The following PHF12 variants were observed in gnomAD, a reference collection of about 807,000 sequenced individuals.
The protein encoded by PHF12 is PHD finger protein 12.
In PHF12, 6 loss-of-function variants were observed where a neutral mutation model predicts 99.8. The observed-to-expected ratio is 0.06, with a 90% CI of 0.03 to 0.12. The LOEUF is 0.12. Ranked by LOEUF, PHF12 falls within the 10% of genes least tolerant of loss-of-function variation. The probability of loss-of-function intolerance (pLI) is 1.00; values close to 1 mark genes in which losing one functional copy is unlikely to be tolerated. For missense variants in PHF12, 954 were observed against 1,300.1 expected, an observed-to-expected ratio of 0.73 and a Z score of 4.09; for synonymous variants, 480 against 514.9, an observed-to-expected ratio of 0.93 and a Z score of 0.92.
chr17:28,931,215 C>T (rs2040395828), intron 2 of PHF12, among the ~76,000 whole-genome samples: 1 of 151,688 alleles, frequency 6.6e-6, no homozygotes, highest in Non-Finnish European at 1.5e-5. Flanking sequence ...CATTGTCTCC[C>T]AGATGAAGAC....
chr17:28,945,857 C>T (rs34120713), intron 2 of PHF12, among the ~76,000 whole-genome samples: 20,884 of 152,152 alleles, frequency 0.14, 1,542 homozygotes, highest in South Asian at 0.25. Flanking sequence ...CCTCCATGGC[C>T]GGGTGTGGTG....
intron 2 of PHF12, among the ~76,000 whole-genome samples, chr17:28,931,581 CTTTT>C (rs925846147): frequency 6.8e-6 from 1 of 148,126 alleles, no homozygotes; most frequent in Non-Finnish European, 1.5e-5. Flanking sequence ...TTAAGATCTG[CTTTT>C]TTTTTGTTTG....
rs578218722 is a variant in PHF12 at position 28,924,075 on chromosome 17, G to A, written c.549C>T (p.Val183=). ...CATCCACGTCAATGATGTCTTCGTC[G>A]ACATCATTCTGCTCAGAGGTGGGAG... ...TETPTSEQND[V]DEDIIDVDEE... Residue 183 remains valine, a synonymous_variant, in exon 4 of 15, where the codon GTC becomes GTT. Transcript: ENST00000332830. 8.1e-6 allele frequency: 13 copies of A among 1,614,152 alleles called. No homozygotes were observed. The African/African-American group carries it at 1.5e-4, about 18-fold the overall frequency.
At chr17:28,937,313 G>A (rs562309337) in intron 2 of PHF12, among the ~76,000 whole-genome samples, 15 of 152,090 alleles carry the variant, frequency 9.9e-5, no homozygotes, top group Non-Finnish European at 2.1e-4. Context: ...TAGCTATATT[G>A]AAGGATATTA....
chr17:28,945,078 G>GT (rs2040697819), intron 2 of PHF12: 2 of 152,184 alleles, frequency 1.3e-5, no homozygotes, highest in South Asian at 4.1e-4. Flanking sequence ...GGGCAGCATA[G>GT]TGAGACCCTA....
chr17:28,951,262 C>T lies in PHF12; in HGVS notation c.-302G>A, dbSNP rs997831450. 1.2e-4 allele frequency: 140 copies of T among 1,211,162 alleles called. No individual in the cohort carries two copies. The highest frequency in any genetic ancestry group is 1.4e-4 in the Non-Finnish European group (137 of 968,744). 75.0% of individuals were successfully genotyped at this position (1,211,162 alleles called of 1,614,324 possible). A position where few individuals can be genotyped will look rare whatever the true frequency, so the allele number is the denominator to read the frequency against. On this transcript the variant is annotated 5_prime_UTR_variant, in exon 1 of 15. Coordinates refer to ENST00000332830, the MANE Select transcript of PHF12 (RefSeq NM_001033561.2). ...GCCTAGTCCCACAGGCTAAAGCCGG[C>T]ACTGGCGACAGCCGGTCCGGCCGGG...
intron 4 of PHF12, 101 bp downstream of exon 4, chr17:28,923,808 C>T: frequency 1.5e-6 from 2 of 1,378,834 alleles, no homozygotes; most frequent in Non-Finnish European, 2.0e-6. Flanking sequence ...GAACCCAAGA[C>T]AGTAGCTACA....
chr17:28,931,037 G>T (rs2040390453), intron 2 of PHF12, among the ~76,000 whole-genome samples: 1 of 152,018 alleles, frequency 6.6e-6, no homozygotes, highest in Non-Finnish European at 1.5e-5. Context: ...CTCCAGTTTG[G>T]GCAACAGAGT....
chr17:28,930,425 TG>T (rs2040375465), intron 2 of PHF12, among the ~76,000 whole-genome samples: 1 of 152,208 alleles, frequency 6.6e-6, no homozygotes, highest in Non-Finnish European at 1.5e-5. Flanking sequence ...TTTAAAGAAC[TG>T]GGGAACACTA....
At chr17:28,913,310 A>G in intron 8 of PHF12, 33 bp from the exon 9 acceptor site, 1 of 1,572,490 alleles carries the variant, frequency 6.4e-7, no homozygotes, top group East Asian at 2.2e-5. Context: ...GGGGGTGAGA[A>G]GCCTGAGAGG....
At chr17:28,926,858 T>A (rs754550704) in intron 3 of PHF12, 133 bp downstream of exon 3, 31 of 1,553,340 alleles carry the variant, frequency 2.0e-5, no homozygotes, top group Non-Finnish European at 2.5e-5. Context: ...ATGGGAAGAG[T>A]GGGGTGATTC....
Position 28,906,720 on chromosome 17 carries a change from G to A in PHF12, c.2680+136C>T, listed in dbSNP as rs1851663209. 7.3e-6 allele frequency: 10 copies of A among 1,373,990 alleles called. No individual in the cohort carries two copies. The highest frequency in any genetic ancestry group is 2.4e-4 in the Middle Eastern group (1 of 4,106). The allele number at this position is 1,373,990 out of a possible 1,614,324, so 85.1% of individuals were successfully genotyped here. ...GGTACTCAGCACTTGCTTCTCTGTG[G>A]CCTGCCCTGGGCCCACGAGGAAGTA... On this transcript the variant is annotated intron_variant, in intron 14 of 14. Transcript: ENST00000332830. The surrounding 1 kb of genome is among the most constrained non-coding windows in gnomAD (Gnocchi z 4.2).
chr17:28,928,758 C>A (rs192175737), intron 2 of PHF12, among the ~76,000 whole-genome samples: 1 of 151,236 alleles, frequency 6.6e-6, no homozygotes, highest in East Asian at 1.9e-4. Flanking sequence ...CTCCAGCCTG[C>A]GTGACAAAAC....
intron 12 of PHF12, chr17:28,908,374 G>A (rs2039906671): frequency 5.6e-6 from 1 of 177,810 alleles, no homozygotes; most frequent in African/African-American, 2.4e-5. Context: ...GCCTGGGCTG[G>A]AGTGCAGAGG....
rs189932393 is a variant in PHF12 at position 28,939,034 on chromosome 17, G to A, written c.248+11031C>T. Reference sequence around the variant, plus strand: ...GCAAGCATACAAACCTTGGACATGCGTTATTTGCTATAACAAATAAAATGG... The same window carrying A: ...GCAAGCATACAAACCTTGGACATGCATTATTTGCTATAACAAATAAAATGG... On this transcript the variant is annotated intron_variant, in intron 2 of 14. Coordinates refer to ENST00000332830, the MANE Select transcript of PHF12 (RefSeq NM_001033561.2). Among the ~76,000 whole-genome samples the A allele has an allele frequency of 6.6e-5, 10 of 152,310 alleles. No individual in the cohort carries two copies. In the East Asian group the frequency reaches 7.7e-4, roughly 12 times the overall value.
intron 5 of PHF12, among the ~76,000 whole-genome samples, chr17:28,919,535 C>T (rs2040122980): frequency 6.6e-6 from 1 of 152,144 alleles, no homozygotes; most frequent in Admixed American, 6.5e-5. Context: ...GAGACTGAGA[C>T]TGAGACTAGC....
chr17:28,926,740 C>T, intron 3 of PHF12: 1 of 1,431,342 alleles, frequency 7.0e-7, no homozygotes. Context: ...TAAGACTACT[C>T]CTGTCACTAG....
At position 28,924,358 on chromosome 17, in the gene PHF12, G is replaced by A. The variant is rs1322955039; in HGVS notation, c.322-56C>T. 5 of 1,611,484 alleles carry A rather than the reference G, an allele frequency of 3.1e-6. No homozygotes were observed. In the South Asian group the frequency reaches 4.4e-5, roughly 14 times the overall value. On this transcript the variant is annotated intron_variant, in intron 3 of 14. Coordinates refer to ENST00000332830, the MANE Select transcript of PHF12 (RefSeq NM_001033561.2). ...AAAAGTACCATGAAACAAAGAGATG[G>A]GTGCTACAAAGTCCTGGTAGACCAC...
rs1002366779 is a variant in PHF12, at chr17:28,950,780, G to T, written c.66+115C>A. On this transcript the variant is annotated intron_variant, in intron 1 of 14. Coordinates refer to ENST00000332830, the MANE Select transcript of PHF12 (RefSeq NM_001033561.2). The surrounding 1 kb of genome is among the most constrained non-coding windows in gnomAD (Gnocchi z 5.7). Reference sequence around the variant, plus strand: ...GGGGAGGGAGAGGCTAGGTGAGGAAGAATCCCCCTCCCTCGGCCATCTAGG... The same window carrying T: ...GGGGAGGGAGAGGCTAGGTGAGGAATAATCCCCCTCCCTCGGCCATCTAGG... 21 of 1,448,558 alleles carry T rather than the reference G, an allele frequency of 1.4e-5. No individual in the cohort carries two copies. The highest frequency in any genetic ancestry group is 1.9e-5 in the Non-Finnish European group (21 of 1,076,996). 89.7% of individuals were successfully genotyped at this position (1,448,558 alleles called of 1,614,324 possible).
Sources: gnomAD v4.1 joint callset for allele counts (sites outside exome capture counted in the v4.1 genomes callset) on GRCh38, gnomAD v4.1.1 for gene constraint, Gnocchi (gnomAD v3.1) non-coding constraint, MANE v1.5 for transcripts, NCBI Gene and HGNC (gene_info 2026-07-23, HGNC 2026-07-21) for gene names.